UTP11: variants seen among roughly 807,000 people sequenced by gnomAD.
UTP11 encodes the protein UTP11 small subunit processome component, also known as probable U3 small nucleolar RNA-associated protein 11.
A neutral mutation model predicts 39.0 loss-of-function variants in UTP11; 29 were observed. That is an observed-to-expected ratio of 0.74 (90% confidence interval 0.55 to 1.01). The LOEUF is 1.01. Among genes scored for constraint, UTP11 ranks in the 50% least tolerant of loss-of-function variants. The pLI is 0.00. For synonymous variants in UTP11, 111 were observed against 105.0 expected, an observed-to-expected ratio of 1.06 and a Z score of -0.35; for missense variants, 281 against 306.0, an observed-to-expected ratio of 0.92 and a Z score of 0.61.
chr1:38,018,436 G>A (rs772810474), intron 3 of UTP11, 28 bp from the exon 4 acceptor site: 2 of 1,502,258 alleles, frequency 1.3e-6, no homozygotes, highest in Non-Finnish European at 1.8e-6. Flanking sequence ...ATCTAATAGG[G>A]AATATATCTT....
intron 2 of UTP11, 185 bp downstream of exon 2, chr1:38,016,605 C>T (rs1646708233): frequency 1.7e-6 from 1 of 599,552 alleles, no homozygotes; most frequent in Non-Finnish European, 3.0e-6. Flanking sequence ...TTAGGCAGAT[C>T]ATTATTTATT....
rs1272444898 is a variant in UTP11 at position 38,012,836 on chromosome 1, C to T, written c.34C>T (p.Arg12Trp). 4 of 1,614,226 alleles carry T rather than the reference C, an allele frequency of 2.5e-6. No homozygotes were observed. The highest frequency in any genetic ancestry group is 2.7e-5 in the African/African-American group (2 of 75,060). ...GGCTTTTCGGAAGGCGGCTAAGTCC[C>T]GGCAGCGGGAACACAGAGAGCGAAG... ...AAAFRKAAKS[R>W]QREHRERSQP... is the part of the protein sequence containing the mutation. The change falls in exon 1 of 8, where the codon CGG (arginine) becomes TGG (tryptophan). Residue 12 changes from arginine (R) to tryptophan (W), a missense_variant. By Grantham distance (101) the Arg-to-Trp change is moderately radical. Coordinates refer to ENST00000373014, the MANE Select transcript of UTP11 (RefSeq NM_016037.4).
intron 3 of UTP11, 130 bp downstream of exon 3, chr1:38,017,900 C>CAGGCAAGGCA: frequency 1.2e-6 from 1 of 806,300 alleles, no homozygotes; most frequent in Non-Finnish European, 1.9e-6. Flanking sequence ...TGCTCTTGGT[C>CAGGCAAGGCA]AGTGTCCAAG....
intron 2 of UTP11, 50 bp downstream of exon 2, chr1:38,016,470 C>G: frequency 6.3e-7 from 1 of 1,589,798 alleles, no homozygotes; most frequent in African/African-American, 1.3e-5. Flanking sequence ...CTTACAACCT[C>G]CTTGCACTGC....
At chr1:38,014,051 G>T (rs1646693385) in intron 1 of UTP11, among the ~76,000 whole-genome samples, 1 of 152,198 alleles carries the variant, frequency 6.6e-6, no homozygotes, top group Non-Finnish European at 1.5e-5. Context: ...TATATGCTAG[G>T]CACAGCCCTG....
rs753750380 is a variant in UTP11, at chr1:38,022,796, G to A, written c.665G>A (p.Arg222His). The A allele has an allele frequency of 2.5e-5, 40 of 1,611,814 alleles. No individual in the cohort carries two copies. The highest frequency in any genetic ancestry group is 5.0e-5 in the Admixed American group (3 of 59,936). The part of the protein sequence containing the change: ...LFVIAQKIQT[R>H]KDLMDKTQKV... ...GTTATTGCTCAGAAAATTCAAACAC[G>A]CAAAGATCTTATGGTGAGGAGAGAG... is the stretch of plus-strand genomic sequence containing the variant. Residue 222 changes from arginine to histidine, a missense_variant, in exon 7 of 8, where the codon CGC (arginine) becomes CAC (histidine). Physicochemically the swap from Arg to His is conservative, Grantham distance 29. Transcript: ENST00000373014.
At chr1:38,017,932 G>A (rs1164870149) in intron 3 of UTP11, among the ~76,000 whole-genome samples, 162 bp downstream of exon 3, 3 of 152,152 alleles carry the variant, frequency 2.0e-5, no homozygotes, top group East Asian at 1.9e-4. Flanking sequence ...ACTTCCAGAG[G>A]AGCGTGCATT....
At chr1:38,021,046 C>T (rs1264930240) in intron 6 of UTP11, among the ~76,000 whole-genome samples, 2 of 151,994 alleles carry the variant, frequency 1.3e-5, no homozygotes, top group Non-Finnish European at 2.9e-5. Context: ...CTCAGCCTCC[C>T]GAGTAGCTGG....
chr1:38,014,443 T>G (rs189442310), intron 1 of UTP11, among the ~76,000 whole-genome samples: 1 of 152,334 alleles, frequency 6.6e-6, no homozygotes, highest in Non-Finnish European at 1.5e-5. Flanking sequence ...GTATGTGTTA[T>G]TACGTAAACT....
chr1:38,018,453 T>C lies in UTP11; in HGVS notation c.229-11T>C, dbSNP rs751317127. On this transcript the variant is annotated splice_polypyrimidine_tract_variant and intron_variant, in intron 3 of 7. Transcript: ENST00000373014. ...CTAATAGGGAATATATCTTTTAAAT[T>C]TGGATTTTAGGATGGAGTACATATT... The C allele has an allele frequency of 6.3e-7, 1 of 1,578,958 alleles. No individual in the cohort carries two copies. The highest frequency in any genetic ancestry group is 1.1e-5 in the South Asian group (1 of 88,712).
rs34251728 is a variant in UTP11 at position 38,022,834 on chromosome 1, CTT to C, written c.678+37_678+38del. ...GGTGAGGAGAGAGAGCCTTAGGCCT[CTT>C]TTTTTTTTTTTCCCCCTTTTCTTTC... On this transcript the variant is annotated intron_variant, in intron 7 of 7. Transcript: ENST00000373014. 1.1e-3 allele frequency: 1,355 copies of C among 1,203,770 alleles called. 1 individual carries two copies. Among genetic ancestry groups the C allele is most frequent in the East Asian group, 2.0e-3 (73 of 36,234 alleles). 74.6% of individuals were successfully genotyped at this position (1,203,770 alleles called of 1,614,324 possible).
intron 1 of UTP11, among the ~76,000 whole-genome samples, chr1:38,013,636 G>A (rs961947591): frequency 6.6e-5 from 10 of 152,214 alleles, no homozygotes; most frequent in Non-Finnish European, 1.2e-4. Context: ...GAAGACAGGG[G>A]AAAGAGTTGT....
intron 1 of UTP11, among the ~76,000 whole-genome samples, chr1:38,015,891 C>T (rs1390491093): frequency 6.6e-6 from 1 of 152,196 alleles, no homozygotes; most frequent in Non-Finnish European, 1.5e-5. Flanking sequence ...AATAGCAGCT[C>T]AGAGAAGTTA....
intron 6 of UTP11, 115 bp downstream of exon 6, chr1:38,019,498 AT>A: frequency 1.1e-6 from 1 of 920,982 alleles, no homozygotes; most frequent in Non-Finnish European, 1.4e-6. Flanking sequence ...ATTTTATTTT[AT>A]TTTTTAGTCA....
In UTP11 at chr1:38,022,828, A is replaced by T. The variant is rs1323301327; in HGVS notation, c.678+19A>T. ...TCTTATGGTGAGGAGAGAGAGCCTT[A>T]GGCCTCTTTTTTTTTTTTTCCCCCT... On this transcript the variant is annotated intron_variant, in intron 7 of 7. Transcript: ENST00000373014. 5.3e-6 allele frequency: 8 copies of T among 1,501,824 alleles called. No homozygotes were observed. The Admixed American group carries it at 8.0e-5, about 15-fold the overall frequency. The allele number at this position is 1,501,824 out of a possible 1,614,324, so 93.0% of individuals were successfully genotyped here.
Position 38,024,230 on chromosome 1 carries a change from TAAC to T in UTP11, c.*605_*607del, listed in dbSNP as rs1261204091. 2.0e-5 allele frequency: 3 copies of T among 152,262 alleles called. No homozygotes were observed. Among genetic ancestry groups the T allele is most frequent in the Non-Finnish European group, 4.4e-5 (3 of 68,068 alleles). 9.4% of individuals were successfully genotyped at this position (152,262 alleles called of 1,614,324 possible). A position where few individuals can be genotyped will look rare whatever the true frequency, so the allele number is the denominator to read the frequency against. On this transcript the variant is annotated 3_prime_UTR_variant, in exon 8 of 8. Transcript: ENST00000373014. ...CCTAATCCCAGTGCTTATTCAATAA[TAAC>T]AAATATTTATTGCATGCTTAACTGT... is the stretch of plus-strand genomic sequence containing the variant.
intron 1 of UTP11, among the ~76,000 whole-genome samples, chr1:38,014,405 G>A (rs910185345): frequency 1.3e-5 from 2 of 152,190 alleles, no homozygotes; most frequent in African/African-American, 2.4e-5. Context: ...CAGCAGGGGA[G>A]CTACTGAAGA....
intron 1 of UTP11, 23 bp from the exon 2 acceptor site, chr1:38,016,336 T>C: frequency 6.2e-7 from 1 of 1,613,812 alleles, no homozygotes; most frequent in East Asian, 2.2e-5. Context: ...CTAAGCACTG[T>C]TGTTCTTTCT....
intron 4 of UTP11, among the ~76,000 whole-genome samples, 187 bp from the exon 5 acceptor site, chr1:38,018,872 G>A (rs1035451896): frequency 6.6e-6 from 1 of 152,200 alleles, no homozygotes; most frequent in South Asian, 2.1e-4. Flanking sequence ...CAGGGATTAA[G>A]TGCGTCTTGG....
Sources: gnomAD v4.1 joint callset for allele counts (sites outside exome capture counted in the v4.1 genomes callset) on GRCh38, gnomAD v4.1.1 for gene constraint, MANE v1.5 for transcripts, NCBI Gene and HGNC (gene_info 2026-07-23, HGNC 2026-07-21) for gene names.